The following ATP2B1 variants were observed in gnomAD, a reference collection of about 807,000 sequenced individuals.
ATP2B1 encodes the protein ATPase plasma membrane Ca2+ transporting 1.
ATP2B1 carries 14 observed loss-of-function variants against 124.2 expected under a neutral mutation model. The ratio of observed to expected loss-of-function variants is 0.11; its 90% CI spans 0.07 to 0.18. The LOEUF (loss-of-function observed/expected upper bound fraction) is 0.18. Ranked by LOEUF, ATP2B1 falls within the 10% of genes least tolerant of loss-of-function variation. The probability of loss-of-function intolerance (pLI) is 1.00; values close to 1 mark genes in which losing one functional copy is unlikely to be tolerated. For synonymous variants in ATP2B1, 449 were observed against 492.4 expected, an observed-to-expected ratio of 0.91 and a Z score of 1.17; for missense variants, 763 against 1,466.1, an observed-to-expected ratio of 0.52 and a Z score of 7.83.
In ATP2B1 at chr12:89,590,320, G is replaced by A. The variant is rs1044552799; in HGVS notation, c.*664C>T. 6.7e-6 allele frequency: 1 copy of A among 150,022 alleles called. No homozygotes were observed. Among genetic ancestry groups the A allele is most frequent in the Non-Finnish European group, 1.5e-5 (1 of 67,584 alleles). The allele number at this position is 150,022 out of a possible 1,614,324, so 9.3% of individuals were successfully genotyped here. On this transcript the variant is annotated 3_prime_UTR_variant, in exon 21 of 21. Transcript: ENST00000428670. ...TCGTTTTTTTAAACAAAGCATTAGT[G>A]TTATCTATTTGGCTATTAGTATTAG...
chr12:89,640,307 C>A (rs1883306857), intron 3 of ATP2B1, among the ~76,000 whole-genome samples: 1 of 152,128 alleles, frequency 6.6e-6, no homozygotes, highest in African/African-American at 2.4e-5. Flanking sequence ...TCAACAGTGA[C>A]AAGAATATTG....
intron 8 of ATP2B1, among the ~76,000 whole-genome samples, chr12:89,624,986 AGCTG>A: frequency 6.6e-6 from 1 of 152,150 alleles, no homozygotes; most frequent in East Asian, 1.9e-4. Context: ...AAAATAGGGC[AGCTG>A]GCTGGGCGCA....
chr12:89,691,375 T>A (rs2136733273), intron 1 of ATP2B1, among the ~76,000 whole-genome samples: 1 of 152,242 alleles, frequency 6.6e-6, no homozygotes, highest in South Asian at 2.1e-4. Context: ...TGGTTTGAAG[T>A]CTGTGACTGT....
chr12:89,610,886 T>C (rs1023872205), intron 13 of ATP2B1, among the ~76,000 whole-genome samples: 1 of 152,196 alleles, frequency 6.6e-6, no homozygotes, highest in African/African-American at 2.4e-5. Context: ...ATATGCTCCA[T>C]ATCAGCCTTT....
intron 2 of ATP2B1, among the ~76,000 whole-genome samples, chr12:89,642,662 TG>T (rs1388744403): frequency 1.3e-5 from 2 of 152,144 alleles, no homozygotes. Flanking sequence ...TGGCGTGCAG[TG>T]GCACAATCTC....
intron 15 of ATP2B1, among the ~76,000 whole-genome samples, chr12:89,607,164 G>A (rs977342204): frequency 6.6e-6 from 1 of 152,044 alleles, no homozygotes; most frequent in South Asian, 2.1e-4. Flanking sequence ...AAGTAGGCTT[G>A]GCAAATGTTC....
chr12:89,681,461 A>T (rs1191064059), intron 1 of ATP2B1, among the ~76,000 whole-genome samples: 1 of 151,384 alleles, frequency 6.6e-6, no homozygotes, highest in Non-Finnish European at 1.5e-5. Flanking sequence ...GCTCACTGCA[A>T]CCTCCGCCTC....
chr12:89,620,694 C>T (rs768673840), intron 10 of ATP2B1, among the ~76,000 whole-genome samples: 4 of 152,146 alleles, frequency 2.6e-5, no homozygotes, highest in Non-Finnish European at 4.4e-5. Context: ...AAATACTGTT[C>T]TCTTAAATGC....
intron 2 of ATP2B1, among the ~76,000 whole-genome samples, chr12:89,654,391 G>T (rs927405014): frequency 2.0e-5 from 3 of 152,180 alleles, no homozygotes; most frequent in Non-Finnish European, 4.4e-5. Flanking sequence ...CATCAAAATG[G>T]TGTAGCATAT....
chr12:89,627,620 GT>G (rs1881106590), intron 7 of ATP2B1, 57 bp downstream of exon 7: 2 of 1,561,632 alleles, frequency 1.3e-6, no homozygotes, highest in Admixed American at 1.7e-5. Context: ...ATGGTATACA[GT>G]AGATTTTTGG....
Position 89,630,552 on chromosome 12 carries a change from C to T in ATP2B1, c.881G>A (p.Gly294Glu), listed in dbSNP as rs926620172. The change falls in exon 6 of 21, where the codon GGA becomes GAA. Residue 294 changes from glycine (G) to glutamate (E), a missense_variant. Around this residue, in one of 7 missense-constraint regions of ATP2B1, gnomAD observed 392 missense variants for 776.6 expected, o/e 0.50. Coordinates refer to ENST00000428670, the MANE Select transcript of ATP2B1 (RefSeq NM_001366521.1). ...TGIIFTLLGA[G>E]GEEEEKKDEK... ...ATCTTTCTTCTCTTCCTCTTCACCT[C>T]CAGCTCCAAGTAAGGTAAAGATAAT... is the stretch of plus-strand genomic sequence containing the variant. 1 of 1,596,666 alleles carries T rather than the reference C, an allele frequency of 6.3e-7. No homozygotes were observed. Among genetic ancestry groups the T allele is most frequent in the Non-Finnish European group, 8.5e-7 (1 of 1,170,728 alleles).
intron 20 of ATP2B1, among the ~76,000 whole-genome samples, chr12:89,595,677 T>C (rs1874440026): frequency 6.6e-6 from 1 of 152,000 alleles, no homozygotes; most frequent in South Asian, 2.1e-4. Context: ...ATTAACATAG[T>C]TCTATATTTT....
chr12:89,655,921 C>T lies in ATP2B1; in HGVS notation c.-35G>A, dbSNP rs1885905916. On this transcript the variant is annotated 5_prime_UTR_variant, in exon 2 of 21. Coordinates refer to ENST00000428670, the MANE Select transcript of ATP2B1 (RefSeq NM_001366521.1). ...AATATATCAGAAGGAAAATGTTTCCCAAAAGAATTTAATTTTCACTTGATG... is the reference window on the plus strand; with the variant it reads ...AATATATCAGAAGGAAAATGTTTCCTAAAAGAATTTAATTTTCACTTGATG... The T allele has an allele frequency of 2.0e-6, 3 of 1,514,532 alleles. No individual in the cohort carries two copies. The South Asian group carries it at 3.9e-5, about 20-fold the overall frequency. The allele number at this position is 1,514,532 out of a possible 1,614,324, so 93.8% of individuals were successfully genotyped here.
At position 89,604,722 on chromosome 12, in the gene ATP2B1, C is replaced by CA. The variant is rs557139955; in HGVS notation, c.2443-377dup. Among the ~76,000 whole-genome samples, 432 of 151,996 alleles carry CA rather than the reference C, an allele frequency of 2.8e-3. 1 individual carries two copies. Among genetic ancestry groups the CA allele is most frequent in the African/African-American group, 9.9e-3 (411 of 41,472 alleles). ...TTCTACCAAAAAACAAACAAACAAA[C>CA]AAAAAACCCATAAAACCTTAGAGGC... is the stretch of plus-strand genomic sequence containing the variant. On this transcript the variant is annotated intron_variant, in intron 15 of 20. Transcript: ENST00000428670.
Position 89,635,095 on chromosome 12 carries a change from A to T in ATP2B1, c.563T>A (p.Ile188Asn). ...GACAGTGAACTTCTGTTCTTGTTCAATTCGGCTCTGCAAACCTCTAAACTG... is the reference window on the plus strand; with the variant it reads ...GACAGTGAACTTCTGTTCTTGTTCATTTCGGCTCTGCAAACCTCTAAACTG... The part of the protein sequence containing the change: ...EKQFRGLQSR[I>N]EQEQKFTVIR... Residue 188 changes from isoleucine to asparagine, a missense_variant, in exon 4 of 21, where the codon ATT becomes AAT. This residue lies in a region of ATP2B1 where 392 missense variants were observed against 776.6 expected (regional missense o/e 0.50). Transcript: ENST00000428670. The T allele has an allele frequency of 6.2e-7, 1 of 1,613,982 alleles. No individual in the cohort carries two copies. The highest frequency in any genetic ancestry group is 8.5e-7 in the Non-Finnish European group (1 of 1,179,928).
chr12:89,622,781 C>T (rs1343445901), intron 9 of ATP2B1, among the ~76,000 whole-genome samples: 1 of 152,018 alleles, frequency 6.6e-6, no homozygotes, highest in African/African-American at 2.4e-5. Context: ...GTGAAAAGAA[C>T]AGTAATTGGT....
At chr12:89,703,275 A>C (rs932927050) in intron 1 of ATP2B1, among the ~76,000 whole-genome samples, 2 of 152,224 alleles carry the variant, frequency 1.3e-5, no homozygotes, top group Non-Finnish European at 2.9e-5. Context: ...ATTAGATAAA[A>C]TAGTTCCAAA....
At chr12:89,708,069 C>T (rs1313381779) in intron 1 of ATP2B1, among the ~76,000 whole-genome samples, 1 of 152,198 alleles carries the variant, frequency 6.6e-6, no homozygotes, top group Non-Finnish European at 1.5e-5. Flanking sequence ...GACACGCCAA[C>T]AATCAACCAC....
chr12:89,676,252 T>G (rs1278550799), intron 1 of ATP2B1, among the ~76,000 whole-genome samples: 2 of 152,274 alleles, frequency 1.3e-5, no homozygotes, highest in South Asian at 4.1e-4. Context: ...TGAATTTACC[T>G]TGGATGTACA....
Sources: gnomAD v4.1 joint callset for allele counts (sites outside exome capture counted in the v4.1 genomes callset) on GRCh38, gnomAD v4.1.1 for gene constraint, gnomAD v4.1.1 regional missense constraint, MANE v1.5 for transcripts, NCBI Gene and HGNC (gene_info 2026-07-23, HGNC 2026-07-21) for gene names.